The following RFX8 variants were observed in gnomAD, a reference collection of about 807,000 sequenced individuals.
RFX8 encodes the protein regulatory factor X8.
In RFX8, 46 loss-of-function variants were observed where a neutral mutation model predicts 54.6. The ratio of observed to expected loss-of-function variants is 0.84; its 90% confidence interval spans 0.67 to 1.08. The LOEUF is 1.08. Among genes scored for constraint, RFX8 ranks in the 50% least tolerant of loss-of-function variants. The probability of loss-of-function intolerance (pLI) is 0.00; values close to 1 mark genes in which losing one functional copy is unlikely to be tolerated. For missense variants in RFX8, 536 were observed against 562.3 expected, an observed-to-expected ratio of 0.95 and a Z score of 0.47; for synonymous variants, 192 against 209.5, an observed-to-expected ratio of 0.92 and a Z score of 0.72.
chr2:101,409,448 C>T (rs1685957425), intron 9 of RFX8, among the ~76,000 whole-genome samples: 1 of 151,768 alleles, frequency 6.6e-6, no homozygotes, highest in Non-Finnish European at 1.5e-5. Flanking sequence ...GAATGGTCTC[C>T]ATCTCCTGAC....
chr2:101,406,083 GCTGC>G (rs1558837263), intron 9 of RFX8, 26 bp from the exon 10 acceptor site: 1 of 1,334,600 alleles, frequency 7.5e-7, no homozygotes. Context: ...GAGAAAAAAG[GCTGC>G]AGTTTGTAAT....
intron 6 of RFX8, among the ~76,000 whole-genome samples, chr2:101,415,966 A>T (rs1686478738): frequency 6.6e-6 from 1 of 152,240 alleles, no homozygotes; most frequent in African/African-American, 2.4e-5. Flanking sequence ...AATGGCAGGA[A>T]TAAGGGCCTT....
chr2:101,436,085 C>T (rs1286836288), intron 2 of RFX8, among the ~76,000 whole-genome samples: 1 of 152,274 alleles, frequency 6.6e-6, no homozygotes, highest in East Asian at 1.9e-4. Flanking sequence ...TTCTCCCCTC[C>T]CCAGCAGACG....
chr2:101,439,553 A>T (rs536539916), intron 2 of RFX8, among the ~76,000 whole-genome samples: 19 of 149,096 alleles, frequency 1.3e-4, no homozygotes, highest in Non-Finnish European at 2.2e-4. Context: ...CATATACATT[A>T]TGAGTTAATT....
intron 9 of RFX8, among the ~76,000 whole-genome samples, chr2:101,407,374 T>C (rs1020945336): frequency 6.6e-6 from 1 of 152,092 alleles, no homozygotes; most frequent in African/African-American, 2.4e-5. Context: ...GGTTTTATGT[T>C]GAAGGGACAA....
At chr2:101,440,102 A>C (rs1235069652) in intron 2 of RFX8, among the ~76,000 whole-genome samples, 1 of 69,882 alleles carries the variant, frequency 1.4e-5, no homozygotes, top group Non-Finnish European at 4.1e-5. Context: ...AATCTTGCTG[A>C]GATTTTAAAA....
At chr2:101,446,944 T>C (rs1164185119) in intron 2 of RFX8, among the ~76,000 whole-genome samples, 1 of 152,200 alleles carries the variant, frequency 6.6e-6, no homozygotes, top group Non-Finnish European at 1.5e-5. Flanking sequence ...ATTATAGCTA[T>C]TCCTTTTCCT....
At chr2:101,424,887 G>A (rs1687090485) in intron 2 of RFX8, among the ~76,000 whole-genome samples, 1 of 152,088 alleles carries the variant, frequency 6.6e-6, no homozygotes, top group Non-Finnish European at 1.5e-5. Flanking sequence ...CCTGGGGGAG[G>A]GATAGCATTA....
chr2:101,450,710 A>G, intron 2 of RFX8: 1 of 1,121,488 alleles, frequency 8.9e-7, no homozygotes, highest in South Asian at 1.3e-5. Context: ...CTTTAAATTT[A>G]TGTCTAACTA....
intron 9 of RFX8, among the ~76,000 whole-genome samples, chr2:101,408,482 CA>C (rs70943080): frequency 0.47 from 63,995 of 136,306 alleles, 14,415 homozygotes; most frequent in Non-Finnish European, 0.52. Context: ...GACTCCGTCT[CA>C]AAAAAAAAAA....
At chr2:101,452,397 C>A in intron 2 of RFX8, 1 of 1,424,398 alleles carries the variant, frequency 7.0e-7, no homozygotes, top group Admixed American at 2.8e-5. Context: ...GGCACTTCCT[C>A]TAGTGCCCAG....
intron 11 of RFX8, among the ~76,000 whole-genome samples, chr2:101,398,886 T>C (rs571251162): frequency 1.3e-5 from 2 of 152,308 alleles, no homozygotes. Context: ...TTCTCTAAAT[T>C]CGACAAAAAC....
intron 2 of RFX8, chr2:101,450,672 T>C: frequency 6.8e-7 from 1 of 1,475,574 alleles, no homozygotes; most frequent in Non-Finnish European, 9.2e-7. Context: ...GATTCCATCA[T>C]AATGATACCT....
chr2:101,465,775 T>C (rs1049414602), intron 2 of RFX8, among the ~76,000 whole-genome samples: 2 of 152,148 alleles, frequency 1.3e-5, no homozygotes, highest in African/African-American at 2.4e-5. Context: ...ACTGAACAGA[T>C]ACAGAAAAAT....
At chr2:101,463,568 A>T (rs1573484685) in intron 2 of RFX8, among the ~76,000 whole-genome samples, 1 of 152,208 alleles carries the variant, frequency 6.6e-6, no homozygotes, top group Non-Finnish European at 1.5e-5. Flanking sequence ...GCGGTCAGCC[A>T]CAGCAGCCCT....
At position 101,470,403 on chromosome 2, in the gene RFX8, T is replaced by C. The variant is rs545592881; in HGVS notation, c.-52-3503A>G. Among the ~76,000 whole-genome samples, 20 of 152,254 alleles carry C rather than the reference T, an allele frequency of 1.3e-4. 1 individual carries two copies. Among genetic ancestry groups the C allele is most frequent in the South Asian group, 4.1e-4 (2 of 4,822 alleles). ...ACCTGGGGCTCCAAGGAGAGACCGA[T>C]TGGGGACTGGCAGAACTGCCGGCAG... On this transcript the variant is annotated intron_variant, in intron 1 of 11. Transcript: ENST00000428343.
At chr2:101,401,216 A>G (rs1685425370) in intron 11 of RFX8, among the ~76,000 whole-genome samples, 1 of 152,212 alleles carries the variant, frequency 6.6e-6, no homozygotes, top group Non-Finnish European at 1.5e-5. Context: ...GACCAAATAC[A>G]GATAGAGAAC....
intron 1 of RFX8, chr2:101,474,356 C>T (rs1356034233): frequency 4.8e-6 from 2 of 417,164 alleles, no homozygotes; most frequent in East Asian, 3.7e-5. Flanking sequence ...GGTCCTGCTA[C>T]CGCCGCTCCT....
intron 2 of RFX8, among the ~76,000 whole-genome samples, chr2:101,429,616 A>G (rs1687374931): frequency 6.6e-6 from 1 of 152,138 alleles, no homozygotes; most frequent in African/African-American, 2.4e-5. Context: ...GGGAATGTCC[A>G]TTCTCAAGAT....
Sources: allele counts gnomAD v4.1 joint callset (sites outside exome capture counted in the v4.1 genomes callset), GRCh38; gene constraint gnomAD v4.1.1; transcripts MANE v1.5; gene names NCBI Gene and HGNC (gene_info 2026-07-23, HGNC 2026-07-21).